Variants in NTM observed in about 807,000 individuals in gnomAD.
The protein encoded by NTM is neurotrimin.
A neutral mutation model predicts 42.1 loss-of-function variants in NTM; 13 were observed. That is an observed-to-expected ratio of 0.31 (90% CI 0.20 to 0.49). The LOEUF is 0.49. NTM is among the 20% of genes least tolerant of loss of function. The probability of loss-of-function intolerance (pLI) is 0.99; values close to 1 mark genes in which losing one functional copy is unlikely to be tolerated. For missense variants in NTM, 373 were observed against 452.8 expected (o/e 0.82, Z 1.60); for synonymous variants, 187 against 179.2 (o/e 1.04, Z -0.35).
chr11:132,130,783 T>C (rs1458955558), intron 2 of NTM, among the ~76,000 whole-genome samples: 1 of 152,176 alleles, frequency 6.6e-6, no homozygotes, highest in Non-Finnish European at 1.5e-5. Context: ...CAGCAGGCTC[T>C]TCATGGATCC....
chr11:132,241,477 A>T (rs2090177386), intron 4 of NTM, among the ~76,000 whole-genome samples: 1 of 152,206 alleles, frequency 6.6e-6, no homozygotes, highest in Admixed American at 6.5e-5. Flanking sequence ...CAATTCAGTG[A>T]CGTCTAGTTA....
At chr11:131,538,623 T>G (rs371425) in intron 1 of NTM, 113,419 of 152,108 alleles carry the variant, frequency 0.75, 42,652 homozygotes, top group Non-Finnish European at 0.8. Flanking sequence ...GGCTGTTGGT[T>G]CTCTCTGGAC....
intron 1 of NTM, among the ~76,000 whole-genome samples, chr11:131,866,057 A>G (rs565466478): frequency 6.9e-6 from 1 of 145,890 alleles, no homozygotes; most frequent in Non-Finnish European, 1.5e-5. Flanking sequence ...CACACACACT[A>G]CACACACACC....
intron 1 of NTM, among the ~76,000 whole-genome samples, chr11:131,753,083 C>T (rs2135719293): frequency 6.6e-6 from 1 of 152,026 alleles, no homozygotes; most frequent in African/African-American, 2.4e-5. Context: ...GGGCAAAGGA[C>T]ATGAACAGAC....
chr11:132,314,498 A>T, intron 6 of NTM, 54 bp from the exon 7 acceptor site: 1 of 1,556,562 alleles, frequency 6.4e-7, no homozygotes, highest in Non-Finnish European at 8.7e-7. Flanking sequence ...TCTTCTTCCT[A>T]TGAGGACACA....
At chr11:132,289,305 T>G (rs1398152160) in intron 4 of NTM, among the ~76,000 whole-genome samples, 1 of 152,330 alleles carries the variant, frequency 6.6e-6, no homozygotes, top group East Asian at 1.9e-4. Flanking sequence ...CCTTTGAGAA[T>G]ATACAGGCAG....
At chr11:131,986,528 A>G (rs1029377907) in intron 2 of NTM, among the ~76,000 whole-genome samples, 1 of 152,218 alleles carries the variant, frequency 6.6e-6, no homozygotes, top group Non-Finnish European at 1.5e-5. Context: ...ATGTCATGAA[A>G]TATGTGGGTC....
At chr11:131,970,892 C>G (rs1000315973) in intron 2 of NTM, among the ~76,000 whole-genome samples, 1 of 152,164 alleles carries the variant, frequency 6.6e-6, no homozygotes, top group African/African-American at 2.4e-5. Context: ...CACACCAAAG[C>G]GTTTCATAAA....
chr11:131,716,239 A>T (rs2077677374), intron 1 of NTM, among the ~76,000 whole-genome samples: 1 of 152,178 alleles, frequency 6.6e-6, no homozygotes, highest in Non-Finnish European at 1.5e-5. Context: ...CTCTGCCCTC[A>T]TGACCTACCT....
chr11:131,455,980 C>A (rs2136077983), intron 1 of NTM, among the ~76,000 whole-genome samples: 1 of 152,334 alleles, frequency 6.6e-6, no homozygotes, highest in Non-Finnish European at 1.5e-5. Flanking sequence ...AAATGTTATT[C>A]ATTGTTCTGA....
At chr11:131,917,107 G>A (rs2056519103) in intron 2 of NTM, among the ~76,000 whole-genome samples, 3 of 152,188 alleles carry the variant, frequency 2.0e-5, no homozygotes, top group Admixed American at 2.0e-4. Flanking sequence ...TTGGTTATCT[G>A]TGTATGGGTT....
At chr11:132,322,763 G>A (rs1386273754) in intron 7 of NTM, among the ~76,000 whole-genome samples, 1 of 143,542 alleles carries the variant, frequency 7.0e-6, no homozygotes, top group Non-Finnish European at 1.5e-5. Context: ...TTCCAAAATT[G>A]ACCACATAGT....
intron 1 of NTM, among the ~76,000 whole-genome samples, chr11:131,715,660 C>G (rs2077619747): frequency 6.6e-6 from 1 of 152,150 alleles, no homozygotes; most frequent in Non-Finnish European, 1.5e-5. Context: ...CTCCTTCTAT[C>G]CCCTCCCCCA....
intron 1 of NTM, among the ~76,000 whole-genome samples, chr11:131,865,431 A>G (rs954810524): frequency 6.6e-6 from 1 of 152,228 alleles, no homozygotes; most frequent in Non-Finnish European, 1.5e-5. Flanking sequence ...TTACCACCGG[A>G]GCTATTCCAA....
At chr11:131,899,936 C>T (rs2052887207) in intron 1 of NTM, among the ~76,000 whole-genome samples, 1 of 152,214 alleles carries the variant, frequency 6.6e-6, no homozygotes, top group African/African-American at 2.4e-5. Flanking sequence ...TTTGAATTTT[C>T]CTCAGCTGTG....
intron 4 of NTM, among the ~76,000 whole-genome samples, chr11:132,305,039 CATAA>C (rs569461170): frequency 2.6e-4 from 39 of 152,336 alleles, no homozygotes; most frequent in Admixed American, 7.2e-4. Context: ...CAAAACTACA[CATAA>C]ATTAATGTGG....
In NTM at chr11:132,031,707, G is replaced by T. The variant is rs1293817793; in HGVS notation, c.168-114575G>T. Among the ~76,000 whole-genome samples, 3 of 152,198 alleles carry T rather than the reference G, an allele frequency of 2.0e-5. No individual in the cohort carries two copies. The East Asian group carries it at 5.8e-4, about 29-fold the overall frequency. Reference sequence around the variant, plus strand: ...GCGTACAGATACCAAGTAGTCAGTTGTATACATGAATCTAGTGCTCAGGAC... The same window carrying T: ...GCGTACAGATACCAAGTAGTCAGTTTTATACATGAATCTAGTGCTCAGGAC... On this transcript the variant is annotated intron_variant, in intron 2 of 8. Coordinates refer to ENST00000683400, the MANE Select transcript of NTM (RefSeq NM_001352005.2).
chr11:131,484,419 C>G (rs564588504), intron 1 of NTM, among the ~76,000 whole-genome samples: 8 of 152,310 alleles, frequency 5.3e-5, no homozygotes, highest in African/African-American at 1.9e-4. Flanking sequence ...AATGGTCCTT[C>G]CTTTGAATTT....
chr11:132,258,317 T>C (rs2092633861), intron 4 of NTM, among the ~76,000 whole-genome samples: 1 of 152,226 alleles, frequency 6.6e-6, no homozygotes, highest in Non-Finnish European at 1.5e-5. Context: ...ACTGTGTTAT[T>C]GTGCATTTGC....
Sources: gnomAD v4.1 joint callset for allele counts (sites outside exome capture counted in the v4.1 genomes callset) on GRCh38, gnomAD v4.1.1 for gene constraint, MANE v1.5 for transcripts, NCBI Gene and HGNC (gene_info 2026-07-23, HGNC 2026-07-21) for gene names.